SLCO3A1: variants seen among roughly 807,000 people sequenced by gnomAD.
The protein encoded by SLCO3A1 is solute carrier organic anion transporter family member 3A1.
Under a neutral mutation model 63.1 loss-of-function variants are expected in SLCO3A1, and 27 were observed. The ratio of observed to expected loss-of-function variants is 0.43; its 90% CI spans 0.32 to 0.59. SLCO3A1 has a LOEUF of 0.59. SLCO3A1 is among the 20% of genes least tolerant of loss of function. The probability of loss-of-function intolerance (pLI) is 0.09; values close to 1 mark genes in which losing one functional copy is unlikely to be tolerated. For synonymous variants in SLCO3A1, 473 were observed against 409.9 expected (o/e 1.15, Z -1.86); for missense variants, 773 against 945.8 (o/e 0.82, Z 2.40).
At chr15:91,951,134 A>G (rs934257172) in intron 2 of SLCO3A1, among the ~76,000 whole-genome samples, 2 of 152,184 alleles carry the variant, frequency 1.3e-5, no homozygotes, top group Admixed American at 6.5e-5. Flanking sequence ...GGTTTTTAGT[A>G]TATTAACAAG....
chr15:92,147,068 C>G lies in SLCO3A1; in HGVS notation c.1597C>G (p.Gln533Glu), dbSNP rs79038643. 6.2e-6 allele frequency: 10 copies of G among 1,614,174 alleles called. No individual in the cohort carries two copies. Among genetic ancestry groups the G allele is most frequent in the Non-Finnish European group, 5.9e-6 (7 of 1,180,032 alleles). ...VPGKCPSPGCQEAFLTFLCVM... is the reference protein window; with the variant it reads ...VPGKCPSPGCEEAFLTFLCVM... ...TGGAAAATGCCCCAGTCCTGGGTGC[C>G]AAGAGGCCTTCCTCACTTTCCTCTG... Residue 533 changes from glutamine to glutamate, a missense_variant, in exon 8 of 10, where the codon CAA (glutamine) becomes GAA (glutamate). Physicochemically the swap from Gln to Glu is conservative, Grantham distance 29. This residue lies in a region of SLCO3A1 where 565 missense variants were observed against 749.8 expected (regional missense o/e 0.75). Transcript: ENST00000318445.
chr15:91,945,256 C>G (rs953966343), intron 2 of SLCO3A1, among the ~76,000 whole-genome samples: 1 of 151,246 alleles, frequency 6.6e-6, no homozygotes, highest in Non-Finnish European at 1.5e-5. Context: ...GCAGGAGAAT[C>G]ACTTGAACCT....
intron 9 of SLCO3A1, among the ~76,000 whole-genome samples, chr15:92,159,346 G>A (rs778075245): frequency 1.2e-4 from 18 of 152,116 alleles, no homozygotes; most frequent in Admixed American, 3.9e-4. Flanking sequence ...TTAGCCGGGC[G>A]TGGTGGCAGG....
chr15:91,915,876 G>T (rs1409604374), intron 1 of SLCO3A1, 117 bp from the exon 2 acceptor site: 2 of 812,632 alleles, frequency 2.5e-6, no homozygotes, highest in East Asian at 2.5e-5. Context: ...ACCTGGCACC[G>T]GAGGCCAGGT....
intron 1 of SLCO3A1, among the ~76,000 whole-genome samples, chr15:91,870,736 A>G (rs939740245): frequency 6.6e-6 from 1 of 152,072 alleles, no homozygotes; most frequent in Non-Finnish European, 1.5e-5. Flanking sequence ...TGCATTCACC[A>G]TGTTTATTTT....
At chr15:92,027,106 G>T (rs28396099) in intron 2 of SLCO3A1, among the ~76,000 whole-genome samples, 1 of 150,968 alleles carries the variant, frequency 6.6e-6, no homozygotes, top group African/African-American at 2.4e-5. Flanking sequence ...AAAAAAAAAA[G>T]GGGGGGTACA....
chr15:92,116,869 G>A (rs2047801684), intron 4 of SLCO3A1, among the ~76,000 whole-genome samples: 1 of 152,104 alleles, frequency 6.6e-6, no homozygotes, highest in South Asian at 2.1e-4. Flanking sequence ...TGTCATTTCT[G>A]GAGGCAAGTT....
chr15:91,908,118 G>A (rs146440918), intron 1 of SLCO3A1, among the ~76,000 whole-genome samples: 96 of 152,212 alleles, frequency 6.3e-4, no homozygotes, highest in African/African-American at 2.3e-3. Context: ...GAAGGGAAAG[G>A]AGAGTTGCAG....
intron 2 of SLCO3A1, among the ~76,000 whole-genome samples, chr15:92,083,362 G>T (rs910856650): frequency 6.6e-6 from 1 of 152,146 alleles, no homozygotes; most frequent in African/African-American, 2.4e-5. Flanking sequence ...AGTCAGGACT[G>T]ACTGTCATGT....
rs2048486761 is a variant in SLCO3A1 at position 92,165,516 on chromosome 15, A to G, written c.*2381A>G. 3 of 950,892 alleles carry G rather than the reference A, an allele frequency of 3.2e-6. No individual in the cohort carries two copies. Among genetic ancestry groups the G allele is most frequent in the African/African-American group, 4.3e-5 (2 of 46,190 alleles). The allele number at this position is 950,892 out of a possible 1,614,324, so 58.9% of individuals were successfully genotyped here. A position where few individuals can be genotyped will look rare whatever the true frequency, so the allele number is the denominator to read the frequency against. On this transcript the variant is annotated 3_prime_UTR_variant, in exon 10 of 10. Transcript: ENST00000318445. ...ATTTGCTTTGAGAGAAAAAAAAAAGAAAGTTTTTTAAACTCTTTGCATTTT... is the reference window on the plus strand; with the variant it reads ...ATTTGCTTTGAGAGAAAAAAAAAAGGAAGTTTTTTAAACTCTTTGCATTTT...
exon 11 of SLCO3A1, chr15:92,172,298 TACTC>T (rs1393686211): frequency 6.2e-6 from 1 of 160,908 alleles, no homozygotes; most frequent in African/African-American, 2.4e-5. Context: ...AAAAAGCACA[TACTC>T]AATAGATTTT....
At chr15:91,892,100 C>T (rs918166647) in intron 1 of SLCO3A1, among the ~76,000 whole-genome samples, 29 of 152,168 alleles carry the variant, frequency 1.9e-4, no homozygotes, top group African/African-American at 7.0e-4. Flanking sequence ...GCCCTTTTGA[C>T]ACTTGTAGAA....
intron 2 of SLCO3A1, among the ~76,000 whole-genome samples, chr15:91,980,863 G>T (rs539515284): frequency 1.3e-5 from 2 of 152,192 alleles, no homozygotes; most frequent in Non-Finnish European, 2.9e-5. Context: ...CCAGTGCACC[G>T]TGATGCTGAA....
At position 92,155,898 on chromosome 15, in the gene SLCO3A1, A is replaced by G. The variant is rs536646582; in HGVS notation, c.1753+4884A>G. ...CATTAGGGATGAGCTTAGCTTCCAC[A>G]ATACCACTACAAACTCCCCACATAC... On this transcript the variant is annotated intron_variant, in intron 9 of 9. Coordinates refer to ENST00000318445, the MANE Select transcript of SLCO3A1 (RefSeq NM_013272.4). 6.6e-5 allele frequency among the ~76,000 whole-genome samples: 10 copies of G among 152,298 alleles called. No homozygotes were observed. The East Asian group carries it at 1.9e-3, about 29-fold the overall frequency.
chr15:91,915,172 G>A (rs1267776156), intron 1 of SLCO3A1, among the ~76,000 whole-genome samples: 1 of 152,014 alleles, frequency 6.6e-6, no homozygotes, highest in African/African-American at 2.4e-5. Context: ...TTATTCTTAG[G>A]TACATGTTTA....
At chr15:92,094,419 T>G (rs1463210027) in intron 2 of SLCO3A1, among the ~76,000 whole-genome samples, 1 of 152,238 alleles carries the variant, frequency 6.6e-6, no homozygotes, top group African/African-American at 2.4e-5. Flanking sequence ...TGAAAATAAT[T>G]TGTGGCATAG....
chr15:92,017,292 G>C (rs78764619), intron 2 of SLCO3A1, among the ~76,000 whole-genome samples: 1 of 151,986 alleles, frequency 6.6e-6, no homozygotes, highest in Non-Finnish European at 1.5e-5. Context: ...GATTGGGGGG[G>C]GGTAGGGAAA....
At chr15:91,857,682 A>T (rs564016791) in intron 1 of SLCO3A1, among the ~76,000 whole-genome samples, 2 of 152,280 alleles carry the variant, frequency 1.3e-5, no homozygotes, top group African/African-American at 4.8e-5. Flanking sequence ...GAGACCCCCT[A>T]AAATGTTTTA....
intron 1 of SLCO3A1, among the ~76,000 whole-genome samples, chr15:91,868,906 G>C (rs576694087): frequency 6.6e-6 from 1 of 152,150 alleles, no homozygotes; most frequent in Non-Finnish European, 1.5e-5. Flanking sequence ...GTTCTTCTCT[G>C]CTGTCATAGT....
Sources: gnomAD v4.1 joint callset for allele counts (sites outside exome capture counted in the v4.1 genomes callset) on GRCh38, gnomAD v4.1.1 for gene constraint, gnomAD v4.1.1 regional missense constraint, MANE v1.5 for transcripts, NCBI Gene and HGNC (gene_info 2026-07-23, HGNC 2026-07-21) for gene names.